The following TMEM117 variants were observed in gnomAD, a reference collection of about 807,000 sequenced individuals.
TMEM117 encodes the protein transmembrane protein 117.
Under a neutral mutation model 52.4 loss-of-function variants are expected in TMEM117, and 27 were observed. The observed-to-expected ratio is 0.51, with a 90% confidence interval of 0.38 to 0.71. The LOEUF is 0.71. TMEM117 is among the 30% of genes least tolerant of loss of function. The pLI, the probability that TMEM117 is intolerant of heterozygous loss-of-function variation, is 0.00. For synonymous variants in TMEM117, 215 were observed against 206.3 expected (o/e 1.04, Z -0.36); for missense variants, 556 against 630.5 (o/e 0.88, Z 1.26).
chr12:44,095,128 G>A (rs768208709), intron 3 of TMEM117, among the ~76,000 whole-genome samples: 2 of 152,068 alleles, frequency 1.3e-5, no homozygotes, highest in African/African-American at 2.4e-5. Context: ...GAAAAGCACT[G>A]TAAGGGAAAG....
At chr12:43,973,767 A>G (rs922955167) in intron 3 of TMEM117, among the ~76,000 whole-genome samples, 1 of 152,210 alleles carries the variant, frequency 6.6e-6, no homozygotes, top group Non-Finnish European at 1.5e-5. Flanking sequence ...CAGATGTTAT[A>G]ATTCTTTCTG....
chr12:44,005,488 C>A (rs1427318410), intron 3 of TMEM117, among the ~76,000 whole-genome samples: 1 of 152,144 alleles, frequency 6.6e-6, no homozygotes, highest in African/African-American at 2.4e-5. Context: ...CAATTCCATC[C>A]AGCCTTGCTC....
At chr12:43,968,672 T>C (rs955044567) in intron 3 of TMEM117, among the ~76,000 whole-genome samples, 1 of 152,144 alleles carries the variant, frequency 6.6e-6, no homozygotes, top group Non-Finnish European at 1.5e-5. Context: ...CCTATTCTGC[T>C]ATAGGGGTAG....
At chr12:44,101,172 C>A (rs1371856362) in intron 3 of TMEM117, among the ~76,000 whole-genome samples, 2 of 151,618 alleles carry the variant, frequency 1.3e-5, no homozygotes, top group Non-Finnish European at 2.9e-5. Flanking sequence ...CTAATACCAC[C>A]AAATTAGAGA....
chr12:43,944,402 T>G, intron 3 of TMEM117, 60 bp downstream of exon 3: 5 of 1,511,634 alleles, frequency 3.3e-6, no homozygotes, highest in Non-Finnish European at 4.5e-6. Flanking sequence ...TGTAAGAATT[T>G]AAGAGTTTTT....
intron 5 of TMEM117, among the ~76,000 whole-genome samples, chr12:44,296,933 T>C (rs1950776368): frequency 1.3e-5 from 2 of 152,218 alleles, no homozygotes; most frequent in South Asian, 4.1e-4. Context: ...CCAGGACCAC[T>C]GTTCATAAGC....
At chr12:44,105,387 A>G (rs961529777) in intron 3 of TMEM117, among the ~76,000 whole-genome samples, 1 of 151,990 alleles carries the variant, frequency 6.6e-6, no homozygotes, top group Non-Finnish European at 1.5e-5. Context: ...CTCTATTAGA[A>G]TCTTTAGAAT....
intron 3 of TMEM117, among the ~76,000 whole-genome samples, chr12:44,122,510 A>T (rs1948254179): frequency 6.6e-6 from 1 of 152,118 alleles, no homozygotes; most frequent in Non-Finnish European, 1.5e-5. Flanking sequence ...CCCATCACTC[A>T]GATATTAGGC....
intron 4 of TMEM117, among the ~76,000 whole-genome samples, chr12:44,174,528 A>G (rs942529102): frequency 6.6e-6 from 1 of 152,160 alleles, no homozygotes; most frequent in African/African-American, 2.4e-5. Context: ...AATTTTATCA[A>G]TTATATTTGT....
At chr12:43,797,897 A>AAACCCAACCTCTAT in the TMEM117 span, 1 of 1,519,208 alleles carries the variant, frequency 6.6e-7, no homozygotes, top group Non-Finnish European at 8.9e-7. Context: ...AAACATAAGA[A>AAACCCAACCTCTAT]AACCCAACCT....
intron 3 of TMEM117, among the ~76,000 whole-genome samples, chr12:44,053,875 A>G (rs1947011902): frequency 6.6e-6 from 1 of 152,196 alleles, no homozygotes. Context: ...TATTATTTTA[A>G]CATCTTATTA....
chr12:43,884,807 A>G (rs1249501901), intron 2 of TMEM117, among the ~76,000 whole-genome samples: 5 of 152,160 alleles, frequency 3.3e-5, no homozygotes, highest in African/African-American at 1.2e-4. Context: ...ATCTTCCTGC[A>G]TTCAACTTAC....
chr12:44,173,710 ATACT>A (rs1375290311), intron 4 of TMEM117, among the ~76,000 whole-genome samples: 12 of 152,158 alleles, frequency 7.9e-5, no homozygotes, highest in Admixed American at 3.3e-4. Context: ...GGTACTTGAA[ATACT>A]TACTTTCATA....
chr12:44,191,955 G>A (rs1949360612), intron 4 of TMEM117, among the ~76,000 whole-genome samples: 1 of 152,090 alleles, frequency 6.6e-6, no homozygotes, highest in Non-Finnish European at 1.5e-5. Flanking sequence ...TAAATCCTAT[G>A]AGCAAATGTA....
At chr12:44,190,780 A>T in intron 4 of TMEM117, among the ~76,000 whole-genome samples, 1 of 151,648 alleles carries the variant, frequency 6.6e-6, no homozygotes, top group African/African-American at 2.4e-5. Context: ...GTGAAGAGAT[A>T]TGTGTTTTGT....
the TMEM117 span, among the ~76,000 whole-genome samples, chr12:44,396,860 A>G: frequency 6.6e-6 from 1 of 151,606 alleles, no homozygotes; most frequent in Non-Finnish European, 1.5e-5. Flanking sequence ...AAAAAAAAAA[A>G]AAAAGAAAGA....
At chr12:44,152,528 A>ATTTATATCATATAAATT (rs1948758657) in intron 4 of TMEM117, among the ~76,000 whole-genome samples, 1 of 119,506 alleles carries the variant, frequency 8.4e-6, no homozygotes, top group Non-Finnish European at 1.6e-5. Flanking sequence ...TTATATATAT[A>ATTTATATCATATAAATT]TTTATATCAT....
At chr12:44,087,259 C>G (rs1054961329) in intron 3 of TMEM117, among the ~76,000 whole-genome samples, 5 of 151,938 alleles carry the variant, frequency 3.3e-5, no homozygotes, top group Middle Eastern at 3.5e-3. Context: ...TCGTATTGCC[C>G]TAAAAATACT....
intron 3 of TMEM117, among the ~76,000 whole-genome samples, chr12:43,972,151 A>G (rs145550701): frequency 8.9e-4 from 135 of 152,354 alleles, no homozygotes; most frequent in African/African-American, 2.2e-3. Flanking sequence ...TTTATACTGG[A>G]TCTTAGATCC....
Sources: gnomAD v4.1 joint callset for allele counts (sites outside exome capture counted in the v4.1 genomes callset) on GRCh38, gnomAD v4.1.1 for gene constraint, MANE v1.5 for transcripts, NCBI Gene and HGNC (gene_info 2026-07-23, HGNC 2026-07-21) for gene names.